The following KLRF1 variants were observed in gnomAD, a reference collection of about 807,000 sequenced individuals.
The protein encoded by KLRF1 is killer cell lectin like receptor F1.
A neutral mutation model predicts 30.7 loss-of-function variants in KLRF1; 27 were observed. That is an observed-to-expected ratio of 0.88 (90% CI 0.65 to 1.21). The LOEUF (loss-of-function observed/expected upper bound fraction) is 1.21, where lower values mean the gene tolerates loss of function less well. Ranked by LOEUF, KLRF1 falls within the 50% of genes most tolerant of loss-of-function variation. KLRF1 has a pLI of 0.00. For missense variants in KLRF1, 246 were observed against 259.3 expected, an observed-to-expected ratio of 0.95 and a Z score of 0.35; for synonymous variants, 92 against 89.3, an observed-to-expected ratio of 1.03 and a Z score of -0.17.
rs1867773627 is a variant in KLRF1 at position 9,844,630 on chromosome 12, C to T, written c.*104C>T. On this transcript the variant is annotated 3_prime_UTR_variant, in exon 6 of 6. Transcript: ENST00000617889. ...TAAGATTTTAAAGTGCAATTAAATG[C>T]CAAAATCTCTTCTCCCTTCTCCCTC... 2 of 624,266 alleles carry T rather than the reference C, an allele frequency of 3.2e-6. No homozygotes were observed. Among genetic ancestry groups the T allele is most frequent in the Admixed American group, 5.3e-5 (2 of 37,844 alleles). The allele number at this position is 624,266 out of a possible 1,614,324, so 38.7% of individuals were successfully genotyped here.
At chr12:9,832,240 C>T in intron 1 of KLRF1, 76 bp from the exon 2 acceptor site, 6 of 776,584 alleles carry the variant, frequency 7.7e-6, no homozygotes, top group South Asian at 1.7e-5. Flanking sequence ...TTATACAATC[C>T]TATTATTACA....
the KLRF1 span, among the ~76,000 whole-genome samples, chr12:9,804,594 G>T: frequency 3.9e-5 from 6 of 151,954 alleles, no homozygotes; most frequent in East Asian, 1.9e-4. Context: ...TGATTTTTTT[G>T]ATTTAAATTG....
At chr12:9,829,432 A>C (rs1302652952) in intron 1 of KLRF1, among the ~76,000 whole-genome samples, 3 of 152,062 alleles carry the variant, frequency 2.0e-5, no homozygotes, top group African/African-American at 7.2e-5. Context: ...TAGTAGCATA[A>C]AACATTTACA....
chr12:9,832,186 A>G, intron 1 of KLRF1, 130 bp from the exon 2 acceptor site: 1 of 532,530 alleles, frequency 1.9e-6, no homozygotes, highest in Non-Finnish European at 3.4e-6. Flanking sequence ...CTTAGCCTTC[A>G]TGCTTTTGAT....
chr12:9,817,790 G>A, the KLRF1 span: 3 of 195,428 alleles, frequency 1.5e-5, no homozygotes, highest in East Asian at 1.7e-4. Context: ...ACAGGTGCAG[G>A]CACTTCCTCA....
intron 3 of KLRF1, among the ~76,000 whole-genome samples, chr12:9,836,128 T>C (rs71447602): frequency 0.039 from 5,913 of 151,970 alleles, 145 homozygotes; most frequent in Non-Finnish European, 0.06. Flanking sequence ...GTAACGTTGG[T>C]AGTGTGGTGG....
intron 1 of KLRF1, among the ~76,000 whole-genome samples, chr12:9,829,992 T>C (rs1211065633): frequency 6.6e-6 from 1 of 152,222 alleles, no homozygotes; most frequent in Admixed American, 6.5e-5. Flanking sequence ...ACGTCTAAAT[T>C]ACTTCCTAGT....
intron 3 of KLRF1, among the ~76,000 whole-genome samples, chr12:9,836,728 C>A (rs1867586180): frequency 6.6e-6 from 1 of 151,956 alleles, no homozygotes; most frequent in Admixed American, 6.6e-5. Context: ...GCTTATCTGT[C>A]TGTTTTACAG....
At chr12:9,812,281 T>C in the KLRF1 span, among the ~76,000 whole-genome samples, 8 of 145,224 alleles carry the variant, frequency 5.5e-5, no homozygotes, top group Admixed American at 1.4e-4. Context: ...AGGAGAATGG[T>C]GTGAATCCGG....
At chr12:9,816,593 A>G in the KLRF1 span, among the ~76,000 whole-genome samples, 1 of 151,780 alleles carries the variant, frequency 6.6e-6, no homozygotes, top group Non-Finnish European at 1.5e-5. Context: ...TTTTGATTAC[A>G]TGGCTCAGAT....
the KLRF1 span, among the ~76,000 whole-genome samples, chr12:9,813,810 C>G: frequency 6.6e-6 from 1 of 152,140 alleles, no homozygotes; most frequent in Admixed American, 6.5e-5. Context: ...ACATTCCCAC[C>G]GCAGACTCCT....
the KLRF1 span, among the ~76,000 whole-genome samples, chr12:9,811,139 G>T: frequency 2.0e-5 from 3 of 150,914 alleles, no homozygotes; most frequent in African/African-American, 7.3e-5. Context: ...AGGCAAGTCA[G>T]CCTCAATGAA....
chr12:9,802,423 G>A, the KLRF1 span, among the ~76,000 whole-genome samples: 2 of 151,908 alleles, frequency 1.3e-5, no homozygotes, highest in Admixed American at 1.3e-4. Flanking sequence ...TTGAAAACCG[G>A]CACAAGACAA....
chr12:9,805,468 G>A, the KLRF1 span, among the ~76,000 whole-genome samples: 14 of 152,044 alleles, frequency 9.2e-5, no homozygotes, highest in East Asian at 3.9e-4. Context: ...ACCTCCAAAA[G>A]GTCCCACCTT....
chr12:9,813,970 A>C, the KLRF1 span, among the ~76,000 whole-genome samples: 150,540 of 152,172 alleles, frequency 0.99, 74,484 homozygotes, highest in Middle Eastern at 1. Flanking sequence ...GCCCAGCCCC[A>C]ACAAGACTTC....
At chr12:9,841,386 A>T (rs902719165) in intron 3 of KLRF1, among the ~76,000 whole-genome samples, 1 of 152,080 alleles carries the variant, frequency 6.6e-6, no homozygotes, top group Non-Finnish European at 1.5e-5. Flanking sequence ...GGATGTTGAA[A>T]TAATCTCTAC....
At chr12:9,814,426 CAT>C in the KLRF1 span, among the ~76,000 whole-genome samples, 1 of 152,204 alleles carries the variant, frequency 6.6e-6, no homozygotes, top group Admixed American at 6.5e-5. Context: ...CTGAGCACAA[CAT>C]AGGGGATTGG....
the KLRF1 span, among the ~76,000 whole-genome samples, chr12:9,805,214 A>C: frequency 2.0e-5 from 3 of 151,968 alleles, no homozygotes; most frequent in African/African-American, 7.3e-5. Flanking sequence ...ATAGAAATTT[A>C]TTTCTTACAA....
At chr12:9,841,185 A>G (rs756804427) in intron 3 of KLRF1, among the ~76,000 whole-genome samples, 1 of 152,148 alleles carries the variant, frequency 6.6e-6, no homozygotes, top group Non-Finnish European at 1.5e-5. Flanking sequence ...GCTGGAGGCT[A>G]TTATCCTTAG....
Sources: gnomAD v4.1 joint callset for allele counts (sites outside exome capture counted in the v4.1 genomes callset) on GRCh38, gnomAD v4.1.1 for gene constraint, MANE v1.5 for transcripts, NCBI Gene and HGNC (gene_info 2026-07-23, HGNC 2026-07-21) for gene names.